The following ELOVL6 variants were observed in gnomAD, a reference collection of about 807,000 sequenced individuals.
The protein encoded by ELOVL6 is very long chain fatty acid elongase 6.
A neutral mutation model predicts 31.7 loss-of-function variants in ELOVL6; 8 were observed. The ratio of observed to expected loss-of-function variants is 0.25; its 90% CI spans 0.15 to 0.45. The LOEUF (loss-of-function observed/expected upper bound fraction) is 0.45. Ranked by LOEUF, ELOVL6 falls within the 20% of genes least tolerant of loss-of-function variation. ELOVL6 has a pLI of 1.00. For synonymous variants in ELOVL6, 101 were observed against 117.7 expected, an observed-to-expected ratio of 0.86 and a Z score of 0.92; for missense variants, 126 against 326.4, an observed-to-expected ratio of 0.39 and a Z score of 4.73.
At chr4:110,084,169 A>C (rs868847703) in intron 2 of ELOVL6, among the ~76,000 whole-genome samples, 1 of 43,092 alleles carries the variant, frequency 2.3e-5, no homozygotes, top group Non-Finnish European at 4.0e-5. Flanking sequence ...TATATGTGAT[A>C]TATATGATAT....
intron 1 of ELOVL6, among the ~76,000 whole-genome samples, chr4:110,123,781 T>C (rs974408409): frequency 2.0e-5 from 3 of 152,192 alleles, no homozygotes; most frequent in Non-Finnish European, 2.9e-5. Context: ...AAATTCAACA[T>C]ATTGAGATGT....
intron 1 of ELOVL6, among the ~76,000 whole-genome samples, chr4:110,110,554 C>T (rs118187568): frequency 0.012 from 1,890 of 151,774 alleles, 63 homozygotes; most frequent in Admixed American, 0.075. Context: ...ACTACAGGTG[C>T]GCCTGATTCT....
intron 1 of ELOVL6, among the ~76,000 whole-genome samples, chr4:110,129,758 T>C (rs946980121): frequency 1.3e-5 from 2 of 152,196 alleles, no homozygotes. Flanking sequence ...CTTAGTTTCC[T>C]GATAGCATCA....
intron 2 of ELOVL6, among the ~76,000 whole-genome samples, chr4:110,096,384 T>C (rs989551032): frequency 1.3e-5 from 2 of 152,196 alleles, no homozygotes; most frequent in African/African-American, 4.8e-5. Flanking sequence ...AAGAATTCAG[T>C]TAGGGTCACT....
At position 110,084,193 on chromosome 4, in the gene ELOVL6, C is replaced by CGA. The variant is rs1560814458; in HGVS notation, c.221+21303_221+21304insTC. ...TATATATGATATATATAACATATAACTTATATGATATATATAACATATAAC... is the reference window on the plus strand; with the variant it reads ...TATATATGATATATATAACATATAACGATTATATGATATATATAACATATAAC... On this transcript the variant is annotated intron_variant, in intron 2 of 3. Transcript: ENST00000302274. 2.3e-3 allele frequency among the ~76,000 whole-genome samples: 100 copies of CGA among 42,736 alleles called. 10 individuals are homozygous for CGA. Among genetic ancestry groups the CGA allele is most frequent in the African/African-American group, 7.0e-3 (53 of 7,592 alleles). 28.0% of individuals were successfully genotyped at this position (42,736 alleles called of 152,430 possible).
At chr4:110,085,894 T>G (rs1756250350) in intron 2 of ELOVL6, among the ~76,000 whole-genome samples, 1 of 152,190 alleles carries the variant, frequency 6.6e-6, no homozygotes, top group African/African-American at 2.4e-5. Context: ...ATTTTGTACT[T>G]TTTGTAGAGA....
intron 1 of ELOVL6, among the ~76,000 whole-genome samples, chr4:110,172,703 A>G (rs1758990213): frequency 6.6e-6 from 1 of 152,242 alleles, no homozygotes; most frequent in Middle Eastern, 3.2e-3. Flanking sequence ...TTAGTTTAAA[A>G]TATATGCTTA....
intron 1 of ELOVL6, among the ~76,000 whole-genome samples, chr4:110,111,078 T>C (rs1439674779): frequency 6.6e-6 from 1 of 152,162 alleles, no homozygotes; most frequent in Non-Finnish European, 1.5e-5. Context: ...GTCCATGAGA[T>C]TCAATAACAT....
At chr4:110,182,150 T>G (rs1441329927) in intron 1 of ELOVL6, among the ~76,000 whole-genome samples, 1 of 152,224 alleles carries the variant, frequency 6.6e-6, no homozygotes, top group Non-Finnish European at 1.5e-5. Flanking sequence ...TTTGTCCCAT[T>G]AGATACATTC....
chr4:110,097,136 C>T (rs1578478401), intron 2 of ELOVL6, among the ~76,000 whole-genome samples: 1 of 151,676 alleles, frequency 6.6e-6, no homozygotes, highest in African/African-American at 2.4e-5. Flanking sequence ...CGAAACCCTG[C>T]CTCTACTAAA....
In ELOVL6 at chr4:110,084,409, A is replaced by ATATATCACATCTAT. The variant is rs1214879320; in HGVS notation, c.221+21087_221+21088insATAGATGTGATATA. ...TCGCATATATGATATATGATATATG[A>ATATATCACATCTAT]CATACATGATATATCACATATATCA... is the stretch of plus-strand genomic sequence containing the variant. On this transcript the variant is annotated intron_variant, in intron 2 of 3. Transcript: ENST00000302274. Among the ~76,000 whole-genome samples the ATATATCACATCTAT allele has an allele frequency of 4.2e-4, 5 of 12,012 alleles. 1 individual carries two copies. The highest frequency in any genetic ancestry group is 8.4e-4 in the Admixed American group (1 of 1,188). 7.9% of individuals were successfully genotyped at this position (12,012 alleles called of 152,430 possible). A position where few individuals can be genotyped will look rare whatever the true frequency, so the allele number is the denominator to read the frequency against.
intron 2 of ELOVL6, among the ~76,000 whole-genome samples, chr4:110,081,946 C>A (rs571133358): frequency 3.3e-5 from 5 of 151,248 alleles, no homozygotes; most frequent in African/African-American, 1.2e-4. Flanking sequence ...TATGAACAGA[C>A]ACTTCTGAAA....
At chr4:110,183,001 G>A (rs147005129) in intron 1 of ELOVL6, among the ~76,000 whole-genome samples, 1 of 152,158 alleles carries the variant, frequency 6.6e-6, no homozygotes, top group East Asian at 1.9e-4. Context: ...AAAGGGTCTG[G>A]GGAGTCACAC....
At chr4:110,083,395 A>T (rs1755942497) in intron 2 of ELOVL6, among the ~76,000 whole-genome samples, 1 of 151,694 alleles carries the variant, frequency 6.6e-6, no homozygotes, top group Non-Finnish European at 1.5e-5. Flanking sequence ...AGAACATACC[A>T]GGTAGAGGGA....
intron 1 of ELOVL6, among the ~76,000 whole-genome samples, chr4:110,112,388 TAG>T (rs1341597661): frequency 6.6e-5 from 10 of 152,222 alleles, no homozygotes; most frequent in African/African-American, 2.4e-4. Flanking sequence ...ATTATTTCAG[TAG>T]AGTTGATGTT....
At chr4:110,081,815 A>C in intron 2 of ELOVL6, among the ~76,000 whole-genome samples, 1 of 146,674 alleles carries the variant, frequency 6.8e-6, no homozygotes, top group Non-Finnish European at 1.5e-5. Context: ...CAACCTACAA[A>C]ATGGGAGAAA....
intron 1 of ELOVL6, among the ~76,000 whole-genome samples, chr4:110,158,655 A>ATTTTTTTTTTTTT (rs1365076499): frequency 2.6e-5 from 2 of 76,200 alleles, no homozygotes; most frequent in Admixed American, 1.4e-4. Context: ...ATATATATAT[A>ATTTTTTTTTTTTT]TATTTTTTTT....
chr4:110,068,160 G>T (rs762432946), intron 2 of ELOVL6, among the ~76,000 whole-genome samples: 5 of 152,174 alleles, frequency 3.3e-5, no homozygotes, highest in African/African-American at 4.8e-5. Context: ...GGATAAGGAA[G>T]ACAGAGGACA....
At chr4:110,186,371 G>A (rs1020691070) in intron 1 of ELOVL6, among the ~76,000 whole-genome samples, 5 of 151,910 alleles carry the variant, frequency 3.3e-5, no homozygotes, top group African/African-American at 4.8e-5. Flanking sequence ...CTCTCCTACC[G>A]GCCCCCACAC....
Sources: allele counts gnomAD v4.1 joint callset (sites outside exome capture counted in the v4.1 genomes callset), GRCh38; gene constraint gnomAD v4.1.1; transcripts MANE v1.5; gene names NCBI Gene and HGNC (gene_info 2026-07-23, HGNC 2026-07-21).